GNLY: variants seen among roughly 807,000 people sequenced by gnomAD.
GNLY encodes T-cell activation protein 519.
In GNLY, 15 loss-of-function variants were observed where a neutral mutation model predicts 18.5. The ratio of observed to expected loss-of-function variants is 0.81; its 90% confidence interval spans 0.54 to 1.25. The LOEUF is 1.25. Among genes scored for constraint, GNLY ranks in the 50% most tolerant of loss-of-function variants. GNLY has a pLI of 0.00. For missense variants in GNLY, 178 were observed against 186.9 expected (o/e 0.95, Z 0.28); for synonymous variants, 77 against 74.9 (o/e 1.03, Z -0.14).
Position 85,697,555 on chromosome 2 carries a change from G to C in GNLY, c.305G>C (p.Arg102Pro). The change falls in exon 4 of 5, where the codon CGA becomes CCA. Residue 102 changes from arginine to proline, a missense_variant. By Grantham distance (103) the Arg-to-Pro change is moderately radical (BLOSUM62 -2). Transcript: ENST00000263863. ...ATRVCRTGRS[R>P]WRDVCRNFMR... ...CGGGTGTGTAGGACGGGGAGGTCAC[G>C]ATGGCGCGACGTCTGCAGAAATTTC... The C allele has an allele frequency of 6.2e-7, 1 of 1,613,258 alleles. No homozygotes were observed. Among genetic ancestry groups the C allele is most frequent in the Non-Finnish European group, 8.5e-7 (1 of 1,179,860 alleles).
In GNLY at chr2:85,697,505, G is replaced by A. The variant is rs1488973315; in HGVS notation, c.256-1G>A. 6.2e-7 allele frequency: 1 copy of A among 1,612,098 alleles called. No individual in the cohort carries two copies. Among genetic ancestry groups the A allele is most frequent in the East Asian group, 2.2e-5 (1 of 44,888 alleles). ...TGTCCACTGTGGTGCTGCTGCTGCA[G>A]AGAAGTGTTTCCAATGCTGCGACCC... is the stretch of plus-strand genomic sequence containing the variant. On this transcript the variant is annotated splice_acceptor_variant, in intron 3 of 4. Coordinates refer to ENST00000263863, the MANE Select transcript of GNLY (RefSeq NM_006433.5). LOFTEE classifies it high-confidence loss of function.
rs544690898 is a variant in GNLY, at chr2:85,695,021, G to A, written c.53-299G>A. 42 of 1,575,410 alleles carry A rather than the reference G, an allele frequency of 2.7e-5. No homozygotes were observed. The South Asian group carries it at 4.8e-4, about 18-fold the overall frequency. On this transcript the variant is annotated intron_variant, in intron 1 of 4. Transcript: ENST00000263863. Reference sequence around the variant, plus strand: ...GGTAAAAAAAGAAAATCCCTTGAAAGGAGATTGAGGGAAGTTTCTAGACAA... The same window carrying A: ...GGTAAAAAAAGAAAATCCCTTGAAAAGAGATTGAGGGAAGTTTCTAGACAA...
At chr2:85,696,200 C>G (rs889338443) in intron 3 of GNLY, 144 bp downstream of exon 3, 3 of 603,082 alleles carry the variant, frequency 5.0e-6, no homozygotes, top group Non-Finnish European at 8.9e-6. Flanking sequence ...TGTGAGTCCC[C>G]GTGTGTCTGT....
chr2:85,697,256 C>T (rs112251518), intron 3 of GNLY: 7 of 484,216 alleles, frequency 1.4e-5, no homozygotes, highest in Admixed American at 1.0e-4. Context: ...GACAGGTGCA[C>T]AAGGCGCTGA....
chr2:85,694,820 C>T, intron 1 of GNLY: 1 of 1,482,466 alleles, frequency 6.7e-7, no homozygotes, highest in East Asian at 2.5e-5. Flanking sequence ...TTCCTCGGGC[C>T]TACACTGTCT....
chr2:85,694,503 GCC>G (rs747005613), intron 1 of GNLY, 33 bp downstream of exon 1: 33 of 1,600,858 alleles, frequency 2.1e-5, no homozygotes, highest in Non-Finnish European at 2.7e-5. Context: ...GATCCTGATG[GCC>G]CACCCAGCCT....
In GNLY at chr2:85,696,068, G is replaced by T; in HGVS notation, c.255+12G>T. ...ATAAGCCCACCCAGGTGAGGCCAAG[G>T]GGCTACAGAGCCTCCTGTCTGCTGC... On this transcript the variant is annotated intron_variant, in intron 3 of 4. Transcript: ENST00000263863. The T allele has an allele frequency of 6.9e-7, 1 of 1,452,090 alleles. No individual in the cohort carries two copies. 90.0% of individuals were successfully genotyped at this position (1,452,090 alleles called of 1,614,324 possible).
Position 85,697,557 on chromosome 2 carries a change from T to C in GNLY, c.307T>C (p.Trp103Arg), listed in dbSNP as rs755838992. ...GGTGTGTAGGACGGGGAGGTCACGA[T>C]GGCGCGACGTCTGCAGAAATTTCAT... is the stretch of plus-strand genomic sequence containing the variant. Reference protein sequence around the residue: ...TRVCRTGRSRWRDVCRNFMRR... With the variant: ...TRVCRTGRSRRRDVCRNFMRR... The change falls in exon 4 of 5, where the codon TGG (tryptophan) becomes CGG (arginine). Residue 103 changes from tryptophan (W) to arginine (R), a missense_variant. Coordinates refer to ENST00000263863, the MANE Select transcript of GNLY (RefSeq NM_006433.5). The C allele has an allele frequency of 6.2e-7, 1 of 1,613,214 alleles. No individual in the cohort carries two copies. The highest frequency in any genetic ancestry group is 8.5e-7 in the Non-Finnish European group (1 of 1,179,818).
chr2:85,696,659 C>T (rs1678465523), intron 3 of GNLY: 1 of 152,562 alleles, frequency 6.6e-6, no homozygotes, highest in African/African-American at 2.4e-5. Context: ...CCTGTCTAAG[C>T]CTCCTGAGTA....
At chr2:85,696,784 C>G (rs1434161741) in intron 3 of GNLY, 1 of 152,590 alleles carries the variant, frequency 6.6e-6, no homozygotes, top group African/African-American at 2.4e-5. Flanking sequence ...AGCAATCCAC[C>G]TGCCTTGGCC....
chr2:85,695,085 G>A, intron 1 of GNLY: 2 of 1,273,428 alleles, frequency 1.6e-6, no homozygotes, highest in Non-Finnish European at 2.2e-6. Context: ...GAACAGAGGA[G>A]AAGAGAGAGT....
chr2:85,697,675 C>T lies in GNLY; in HGVS notation c.425C>T (p.Thr142Ile). Residue 142 changes from threonine (T) to isoleucine (I), a missense_variant and splice_region_variant, in exon 4 of 5, where the codon ACA becomes ATA. Physicochemically the swap from Thr to Ile is moderately conservative, Grantham distance 89 (BLOSUM62 -1). Coordinates refer to ENST00000263863, the MANE Select transcript of GNLY (RefSeq NM_006433.5). ...CEDLRLCIPSTGPL is the reference protein window; with the variant it reads ...CEDLRLCIPSIGPL ...GACCTCAGGTTGTGTATACCTTCTA[C>T]AGGTGAGTGCAGAGGTGACAGCAGG... 6.2e-7 allele frequency: 1 copy of T among 1,607,724 alleles called. No individual in the cohort carries two copies. The highest frequency in any genetic ancestry group is 2.2e-5 in the East Asian group (1 of 44,856).
At chr2:85,696,139 C>T (rs1678441250) in intron 3 of GNLY, 83 bp downstream of exon 3, 11 of 749,370 alleles carry the variant, frequency 1.5e-5, no homozygotes, top group Non-Finnish European at 2.1e-5. Context: ...TCGGGGAGCC[C>T]GGGGGCACCT....
chr2:85,697,462 G>A (rs1281597045), intron 3 of GNLY, 44 bp from the exon 4 acceptor site: 1 of 1,567,526 alleles, frequency 6.4e-7, no homozygotes, highest in South Asian at 1.1e-5. Context: ...GAGCTGGGCA[G>A]GACTCACCCT....
At chr2:85,694,733 AC>A in intron 1 of GNLY, 2 of 1,425,148 alleles carry the variant, frequency 1.4e-6, no homozygotes, top group Non-Finnish European at 1.8e-6. Context: ...GTGGCCTGAG[AC>A]CCCCCTTTCC....
chr2:85,696,960 C>T (rs188309857), intron 3 of GNLY: 173 of 157,866 alleles, frequency 1.1e-3, no homozygotes, highest in African/African-American at 3.8e-3. Context: ...CCCTCCTTCC[C>T]TCTCCTCTGC....
chr2:85,698,261 A>C, intron 4 of GNLY: 1 of 617,112 alleles, frequency 1.6e-6, no homozygotes. Flanking sequence ...GGCTGTAGGA[A>C]ATGGGGCCAG....
Position 85,697,549 on chromosome 2 carries a change from G to A in GNLY, c.299G>A (p.Arg100Lys), listed in dbSNP as rs765188654. Reference protein sequence around the residue: ...NAATRVCRTGRSRWRDVCRNF... With the variant: ...NAATRVCRTGKSRWRDVCRNF... ...GCGACCCGGGTGTGTAGGACGGGGA[G>A]GTCACGATGGCGCGACGTCTGCAGA... is the stretch of plus-strand genomic sequence containing the variant. Residue 100 changes from arginine (R) to lysine (K), a missense_variant, in exon 4 of 5, where the codon AGG becomes AAG. Transcript: ENST00000263863. The A allele has an allele frequency of 3.1e-6, 5 of 1,612,966 alleles. No homozygotes were observed. The highest frequency in any genetic ancestry group is 1.3e-5 in the African/African-American group (1 of 74,888).
rs1002373503 is a variant in GNLY, at chr2:85,695,250, C to A, written c.53-70C>A. 4.4e-6 allele frequency: 5 copies of A among 1,145,986 alleles called. No individual in the cohort carries two copies. In the South Asian group the frequency reaches 5.1e-5, roughly 12 times the overall value. The allele number at this position is 1,145,986 out of a possible 1,614,324, so 71.0% of individuals were successfully genotyped here. ...GCCCTGGTCACCTCCTGGACTCCCA[C>A]CAGCCAGGAGAACGGGCTTTCCCTC... On this transcript the variant is annotated intron_variant, in intron 1 of 4. Coordinates refer to ENST00000263863, the MANE Select transcript of GNLY (RefSeq NM_006433.5).
Sources: gnomAD v4.1 joint callset for allele counts on GRCh38, gnomAD v4.1.1 for gene constraint, MANE v1.5 for transcripts, NCBI Gene and HGNC (gene_info 2026-07-23, HGNC 2026-07-21) for gene names.